The following ABR variants were observed in gnomAD, a reference collection of about 807,000 sequenced individuals.
The protein encoded by ABR is active breakpoint cluster region-related protein.
Under a neutral mutation model 107.2 loss-of-function variants are expected in ABR, and 35 were observed. The observed-to-expected ratio is 0.33, with a 90% CI of 0.25 to 0.43. ABR has a LOEUF of 0.43. Among genes scored for constraint, ABR ranks in the 20% least tolerant of loss-of-function variants. The pLI, the probability that ABR is intolerant of heterozygous loss-of-function variation, is 1.00. For missense variants in ABR, 815 were observed against 1,115.2 expected (o/e 0.73, Z 3.83); for synonymous variants, 498 against 462.0 (o/e 1.08, Z -1.00).
intron 1 of ABR, among the ~76,000 whole-genome samples, chr17:1,137,901 TA>T (rs1226361165): frequency 6.6e-6 from 1 of 150,536 alleles, no homozygotes; most frequent in Non-Finnish European, 1.5e-5. Context: ...AAACCACAAT[TA>T]CTTTTTTTTT....
chr17:1,016,321 T>C (rs1170045904), intron 16 of ABR, among the ~76,000 whole-genome samples: 1 of 150,688 alleles, frequency 6.6e-6, no homozygotes, highest in Non-Finnish European at 1.5e-5. Context: ...ACGTTTCTTT[T>C]TTTTTTTTTT....
chr17:1,136,520 C>T (rs536240151), intron 1 of ABR, among the ~76,000 whole-genome samples: 2 of 152,162 alleles, frequency 1.3e-5, no homozygotes, highest in Non-Finnish European at 2.9e-5. Flanking sequence ...TGAGCCACCG[C>T]GCCTGGCCAA....
intron 1 of ABR, among the ~76,000 whole-genome samples, chr17:1,164,906 G>T (rs1392346148): frequency 1.3e-5 from 2 of 152,114 alleles, no homozygotes; most frequent in Admixed American, 1.3e-4. Context: ...GGCCTCAAGT[G>T]ATCCTCCTGG....
chr17:1,178,701 T>A (rs954223996), intron 1 of ABR, among the ~76,000 whole-genome samples: 3 of 151,278 alleles, frequency 2.0e-5, no homozygotes, highest in African/African-American at 7.3e-5. Flanking sequence ...AGTGGGAGGG[T>A]CCCACTCACG....
chr17:1,053,619 A>C (rs139886807), intron 14 of ABR, among the ~76,000 whole-genome samples: 8 of 152,292 alleles, frequency 5.3e-5, no homozygotes, highest in Admixed American at 3.9e-4. Flanking sequence ...GGCTGAAGAC[A>C]CAGGGCCTCA....
rs553547065 is a variant in ABR at position 1,037,639 on chromosome 17, C to A, written c.1791+12411G>T. On this transcript the variant is annotated intron_variant, in intron 16 of 22. Transcript: ENST00000302538. This position sits in a 1 kb window ranked among gnomAD's most constrained non-coding sequence, Gnocchi z 4.6. ...GTATGCTGTCCCTACCGCTGGAGCC[C>A]CCCTGGGCTGCTTGCCTGCTCCTCC... is the stretch of plus-strand genomic sequence containing the variant. 2.6e-5 allele frequency among the ~76,000 whole-genome samples: 4 copies of A among 152,312 alleles called. No individual in the cohort carries two copies. The East Asian group carries it at 5.8e-4, about 22-fold the overall frequency.
At chr17:1,104,165 C>T (rs1161596157) in intron 2 of ABR, among the ~76,000 whole-genome samples, 1 of 152,198 alleles carries the variant, frequency 6.6e-6, no homozygotes, top group Non-Finnish European at 1.5e-5. Flanking sequence ...GTCCTCACTT[C>T]CTCCCAGCCA....
chr17:1,200,316 C>T lies in ABR; in HGVS notation c.838+28477G>A, dbSNP rs1258160027. ...TGTAATCCCAACACTTTCGGACGAT[C>T]GCTTGAAGCCAGGAGTTCAAGACCA... On this transcript the variant is annotated intron_variant, in intron 1 of 22. Coordinates refer to the ABR transcript ENST00000574139. The surrounding 1 kb of genome is among the most constrained non-coding windows in gnomAD (Gnocchi z 4.1). Among the ~76,000 whole-genome samples the T allele has an allele frequency of 6.6e-6, 1 of 152,052 alleles. No individual in the cohort carries two copies. Among genetic ancestry groups the T allele is most frequent in the Non-Finnish European group, 1.5e-5 (1 of 68,022 alleles).
chr17:1,192,811 G>A (rs2042464863), intron 1 of ABR, among the ~76,000 whole-genome samples: 1 of 152,180 alleles, frequency 6.6e-6, no homozygotes, highest in Non-Finnish European at 1.5e-5. Flanking sequence ...CACTTTGGGA[G>A]GCTGAGGCAG....
chr17:1,016,634 A>C (rs1322320770), intron 16 of ABR, among the ~76,000 whole-genome samples: 1 of 151,652 alleles, frequency 6.6e-6, no homozygotes, highest in Middle Eastern at 3.2e-3. Context: ...AACATTTCTA[A>C]AAGCCCCTCT....
At chr17:1,076,899 CCTG>C (rs1028673629) in intron 6 of ABR, among the ~76,000 whole-genome samples, 18 of 152,212 alleles carry the variant, frequency 1.2e-4, no homozygotes, top group African/African-American at 4.3e-4. Context: ...TGCAGGCTGG[CCTG>C]CTTCCTGCCC....
intron 2 of ABR, among the ~76,000 whole-genome samples, chr17:1,105,804 C>T (rs1031073593): frequency 2.0e-5 from 3 of 151,474 alleles, no homozygotes; most frequent in Admixed American, 6.6e-5. Context: ...AGGTGGAGGC[C>T]ACAGAGAGCC....
chr17:1,008,369 C>T (rs765835452), intron 21 of ABR, among the ~76,000 whole-genome samples: 4 of 152,234 alleles, frequency 2.6e-5, no homozygotes, highest in East Asian at 1.9e-4. Flanking sequence ...GCTGTGGCTG[C>T]GCCTGCTTTG....
intron 6 of ABR, 32 bp downstream of exon 6, chr17:1,079,298 G>A (rs1307932879): frequency 6.2e-7 from 1 of 1,607,612 alleles, no homozygotes; most frequent in Non-Finnish European, 8.5e-7. Context: ...ACAAAGGTAG[G>A]TGCCTGTAAT....
Position 1,141,322 on chromosome 17 carries a change from A to G in ABR, c.62-15955T>C, listed in dbSNP as rs80310170. ...ATGGAGCAGAGGTTGGGGAGCCAGG[A>G]CAGCTCAGTGGTCAAGGGCAGAGGC... is the stretch of plus-strand genomic sequence containing the variant. On this transcript the variant is annotated intron_variant, in intron 1 of 22. Transcript: ENST00000302538. Among the ~76,000 whole-genome samples, 692 of 152,252 alleles carry G rather than the reference A, an allele frequency of 4.5e-3. 38 individuals are homozygous for G. The East Asian group carries it at 0.11, about 24-fold the overall frequency.
chr17:1,191,779 T>C (rs562041005), upstream of ABR, among the ~76,000 whole-genome samples: 4 of 152,270 alleles, frequency 2.6e-5, no homozygotes, highest in South Asian at 8.3e-4. Flanking sequence ...TTGCACCTGC[T>C]ACCTGCGCCC....
chr17:1,221,472 A>G (rs796336919), intron 1 of ABR, among the ~76,000 whole-genome samples: 1 of 152,230 alleles, frequency 6.6e-6, no homozygotes, highest in South Asian at 2.1e-4. Flanking sequence ...CCTGATGATC[A>G]TGGAGTCACC....
intron 16 of ABR, among the ~76,000 whole-genome samples, chr17:1,031,110 G>C (rs1330544781): frequency 6.6e-6 from 1 of 152,180 alleles, no homozygotes; most frequent in Non-Finnish European, 1.5e-5. Context: ...GTCCCTGAAG[G>C]GAAGCCTCGA....
chr17:1,074,140 G>T (rs546280597), intron 6 of ABR, among the ~76,000 whole-genome samples: 6 of 145,190 alleles, frequency 4.1e-5, no homozygotes, highest in Admixed American at 6.8e-5. Context: ...CCTGCCACAC[G>T]CAGGACCCCA....
Sources: gnomAD v4.1 joint callset for allele counts (sites outside exome capture counted in the v4.1 genomes callset) on GRCh38, gnomAD v4.1.1 for gene constraint, Gnocchi (gnomAD v3.1) non-coding constraint, MANE v1.5 for transcripts, NCBI Gene and HGNC (gene_info 2026-07-23, HGNC 2026-07-21) for gene names.